Variants in SH3GL3 observed in about 807,000 individuals in gnomAD.
The protein encoded by SH3GL3 is SH3 domain containing GRB2 like 3, endophilin A3, also known as endophilin-A3.
SH3GL3 carries 33 observed loss-of-function variants against 47.7 expected under a neutral mutation model. That is an observed-to-expected ratio of 0.69 (90% confidence interval 0.52 to 0.92). SH3GL3 has a LOEUF of 0.92. Among genes scored for constraint, SH3GL3 ranks in the 40% least tolerant of loss-of-function variants. The probability of loss-of-function intolerance (pLI) is 0.00; values close to 1 mark genes in which losing one functional copy is unlikely to be tolerated. For missense variants in SH3GL3, 363 were observed against 417.8 expected, an observed-to-expected ratio of 0.87 and a Z score of 1.14; for synonymous variants, 155 against 148.8, an observed-to-expected ratio of 1.04 and a Z score of -0.30.
chr15:83,566,363 AGAGTGTGT>A (rs1285127687), intron 3 of SH3GL3, among the ~76,000 whole-genome samples: 15 of 128,326 alleles, frequency 1.2e-4, no homozygotes, highest in African/African-American at 2.8e-4. Flanking sequence ...AGAGAGAGAG[AGAGTGTGT>A]GTGTGTGTGT....
intron 1 of SH3GL3, among the ~76,000 whole-genome samples, chr15:83,535,753 C>T (rs570464982): frequency 3.9e-4 from 59 of 152,312 alleles, no homozygotes; most frequent in Non-Finnish European, 7.9e-4. Flanking sequence ...CAGTCAGAAT[C>T]AAACTTTTTA....
intron 1 of SH3GL3, among the ~76,000 whole-genome samples, chr15:83,499,872 T>G (rs1443674512): frequency 6.6e-6 from 1 of 152,214 alleles, no homozygotes; most frequent in Non-Finnish European, 1.5e-5. Flanking sequence ...TGAGGAGATC[T>G]GAATAAAATC....
chr15:83,551,533 C>G (rs1316120552), intron 1 of SH3GL3, among the ~76,000 whole-genome samples: 1 of 152,290 alleles, frequency 6.6e-6, no homozygotes, highest in Non-Finnish European at 1.5e-5. Context: ...CCCCTGTCAT[C>G]GCCTAACCGA....
chr15:83,622,325 T>TATTC (rs1596365457), downstream of SH3GL3, among the ~76,000 whole-genome samples: 1 of 152,342 alleles, frequency 6.6e-6, no homozygotes. Context: ...TGTTCATGTA[T>TATTC]ATTCACAAAG....
chr15:83,565,310 C>T (rs752680769), intron 3 of SH3GL3, 104 bp downstream of exon 3: 2 of 750,806 alleles, frequency 2.7e-6, no homozygotes, highest in East Asian at 2.6e-5. Context: ...TCGTCTGTGT[C>T]CCAATAATGA....
chr15:83,552,911 G>T (rs997695581), intron 1 of SH3GL3, among the ~76,000 whole-genome samples: 1 of 151,998 alleles, frequency 6.6e-6, no homozygotes, highest in Admixed American at 6.6e-5. Context: ...TAAAAATTTT[G>T]GTGGATTGCT....
intron 1 of SH3GL3, among the ~76,000 whole-genome samples, chr15:83,467,433 T>G (rs1478929041): frequency 6.6e-6 from 1 of 152,264 alleles, no homozygotes; most frequent in Non-Finnish European, 1.5e-5. Context: ...TCTTGATGAC[T>G]GTAGCTATAT....
chr15:83,618,501 G>A lies in SH3GL3; in HGVS notation c.*214G>A, dbSNP rs1414884069. The A allele has an allele frequency of 9.6e-6, 5 of 520,408 alleles. No homozygotes were observed. The highest frequency in any genetic ancestry group is 5.7e-5 in the African/African-American group (3 of 52,594). The allele number at this position is 520,408 out of a possible 1,614,324, so 32.2% of individuals were successfully genotyped here. The stretch of plus-strand genomic sequence containing the variant: ...GAAAATATTTTCTTTTTTGCTTCCT[G>A]TCCTAAAAGTCATTGGTTAAATGTA... On this transcript the variant is annotated 3_prime_UTR_variant, in exon 9 of 9. Transcript: ENST00000427482.
intron 6 of SH3GL3, among the ~76,000 whole-genome samples, chr15:83,581,176 G>C (rs376878295): frequency 2.0e-5 from 3 of 152,208 alleles, no homozygotes; most frequent in Non-Finnish European, 1.5e-5. Context: ...TGACTGATGT[G>C]AGGAGAACCC....
chr15:83,559,231 T>C (rs1342743251), intron 1 of SH3GL3, 22 bp from the exon 2 acceptor site: 6 of 1,303,402 alleles, frequency 4.6e-6, no homozygotes, highest in African/African-American at 1.4e-5. Context: ...TACAATGCAA[T>C]TATTTATGTT....
At chr15:83,568,158 A>G (rs1223239047) in intron 3 of SH3GL3, among the ~76,000 whole-genome samples, 1 of 151,640 alleles carries the variant, frequency 6.6e-6, no homozygotes, top group Admixed American at 6.6e-5. Context: ...AATTTTTTGT[A>G]TTTTTAGTAG....
intron 1 of SH3GL3, among the ~76,000 whole-genome samples, chr15:83,548,663 A>G (rs1264480278): frequency 6.6e-6 from 1 of 152,110 alleles, no homozygotes; most frequent in Non-Finnish European, 1.5e-5. Flanking sequence ...TTGTAACATC[A>G]GCTAAGAATC....
At chr15:83,589,236 A>G (rs191594281) in intron 8 of SH3GL3, among the ~76,000 whole-genome samples, 3 of 152,320 alleles carry the variant, frequency 2.0e-5, no homozygotes, top group East Asian at 1.9e-4. Flanking sequence ...AAGTCATTCT[A>G]TAGTCTCTTG....
chr15:83,577,364 C>T (rs751804663), intron 6 of SH3GL3, among the ~76,000 whole-genome samples: 49 of 152,232 alleles, frequency 3.2e-4, no homozygotes, highest in Non-Finnish European at 5.7e-4. Flanking sequence ...TATCTCCTGC[C>T]TGAGAGATTG....
At position 83,448,853 on chromosome 15, in the gene SH3GL3, G is replaced by A. The variant is rs1462727680; in HGVS notation, c.45+1275G>A. Among the ~76,000 whole-genome samples, 2 of 152,192 alleles carry A rather than the reference G, an allele frequency of 1.3e-5. No homozygotes were observed. Among genetic ancestry groups the A allele is most frequent in the South Asian group, 2.1e-4 (1 of 4,830 alleles). On this transcript the variant is annotated intron_variant, in intron 1 of 8. Transcript: ENST00000427482. This position sits in a 1 kb window ranked among gnomAD's most constrained non-coding sequence, Gnocchi z 4.2. ...CTGGGGGCACTGGGTGGACAGTGGT[G>A]CTATTCAAGGTGTTAAGGAGCCCTG... is the stretch of plus-strand genomic sequence containing the variant.
At chr15:83,603,839 G>A (rs2060448903) in intron 8 of SH3GL3, among the ~76,000 whole-genome samples, 1 of 152,174 alleles carries the variant, frequency 6.6e-6, no homozygotes, top group African/African-American at 2.4e-5. Flanking sequence ...TAATCTAACA[G>A]GTCACTGGGT....
the SH3GL3 span, among the ~76,000 whole-genome samples, chr15:83,626,533 A>G: frequency 0.35 from 53,553 of 152,076 alleles, 10,343 homozygotes; most frequent in South Asian, 0.48. Flanking sequence ...ATTTTCCAGT[A>G]TTGGCTTCTC....
chr15:83,497,955 CCTCT>C (rs1341919004), intron 1 of SH3GL3, among the ~76,000 whole-genome samples: 2 of 152,200 alleles, frequency 1.3e-5, no homozygotes, highest in Non-Finnish European at 2.9e-5. Flanking sequence ...TATTTTCCAG[CCTCT>C]CTTTCTCTGT....
chr15:83,493,906 A>G (rs1260428007), intron 1 of SH3GL3, among the ~76,000 whole-genome samples: 1 of 152,194 alleles, frequency 6.6e-6, no homozygotes, highest in East Asian at 1.9e-4. Flanking sequence ...CAGGGGTGTT[A>G]TAATTGGGGG....
Sources: allele counts gnomAD v4.1 joint callset (sites outside exome capture counted in the v4.1 genomes callset), GRCh38; gene constraint gnomAD v4.1.1; non-coding constraint Gnocchi (gnomAD v3.1); transcripts MANE v1.5; gene names NCBI Gene and HGNC (gene_info 2026-07-23, HGNC 2026-07-21).